The following RBM20 variants were observed in gnomAD, a reference collection of about 807,000 sequenced individuals.
The protein encoded by RBM20 is RNA-binding protein 20.
In RBM20, 51 loss-of-function variants were observed where a neutral mutation model predicts 110.1. The observed-to-expected ratio is 0.46, with a 90% confidence interval of 0.37 to 0.59. The LOEUF (loss-of-function observed/expected upper bound fraction) is 0.59, where lower values mean the gene tolerates loss of function less well. RBM20 is among the 20% of genes least tolerant of loss of function. RBM20 has a pLI of 0.00. For synonymous variants in RBM20, 589 were observed against 618.2 expected, an observed-to-expected ratio of 0.95 and a Z score of 0.70; for missense variants, 1,512 against 1,574.9, an observed-to-expected ratio of 0.96 and a Z score of 0.68.
chr10:110,729,344 T>C (rs1843596000), intron 1 of RBM20, among the ~76,000 whole-genome samples: 1 of 152,238 alleles, frequency 6.6e-6, no homozygotes. Flanking sequence ...GTGCCTGGGC[T>C]TCTCTTTTCT....
chr10:110,822,242 G>C (rs1170808643), intron 11 of RBM20, among the ~76,000 whole-genome samples: 1 of 152,188 alleles, frequency 6.6e-6, no homozygotes, highest in African/African-American at 2.4e-5. Context: ...AATTAGACTG[G>C]GTTATCAGCA....
chr10:110,656,399 C>A (rs1303584979), intron 1 of RBM20, among the ~76,000 whole-genome samples: 3 of 152,108 alleles, frequency 2.0e-5, no homozygotes, highest in African/African-American at 7.2e-5. Flanking sequence ...ATTCAGGGAA[C>A]CACTGATCTG....
intron 1 of RBM20, among the ~76,000 whole-genome samples, chr10:110,721,257 C>G (rs1486418457): frequency 6.6e-6 from 1 of 152,172 alleles, no homozygotes; most frequent in African/African-American, 2.4e-5. Flanking sequence ...TTCTTGTTCC[C>G]TGCTGAGTCA....
At chr10:110,774,963 A>G (rs1184299157) in intron 1 of RBM20, among the ~76,000 whole-genome samples, 2 of 152,252 alleles carry the variant, frequency 1.3e-5, no homozygotes, top group South Asian at 2.1e-4. Flanking sequence ...CCAAAATACC[A>G]TAAATAAGGA....
intron 1 of RBM20, among the ~76,000 whole-genome samples, chr10:110,737,187 A>AC (rs1244964746): frequency 1.5e-5 from 2 of 134,942 alleles, no homozygotes; most frequent in East Asian, 2.0e-4. Flanking sequence ...CAAAAAAAAA[A>AC]AAAAAAAAAA....
intron 5 of RBM20, 145 bp from the exon 6 acceptor site, chr10:110,797,363 G>C (rs1325316830): frequency 1.4e-6 from 1 of 710,870 alleles, no homozygotes; most frequent in Non-Finnish European, 2.2e-6. Context: ...ATGTGTGTCT[G>C]TGAATGGATT....
intron 1 of RBM20, among the ~76,000 whole-genome samples, chr10:110,691,059 C>A (rs1279852281): frequency 4.6e-5 from 7 of 152,186 alleles, no homozygotes; most frequent in Admixed American, 1.3e-4. Context: ...GGCTGTGGAG[C>A]CCTCTTGAAT....
chr10:110,805,915 AG>A (rs1224147264), intron 7 of RBM20, among the ~76,000 whole-genome samples: 1 of 152,114 alleles, frequency 6.6e-6, no homozygotes, highest in African/African-American at 2.4e-5. Flanking sequence ...AAAATAATAT[AG>A]GGGGTGGGGA....
In RBM20 at chr10:110,737,177, C is replaced by CAAAAAAAAAAAAAAAAAAAAAAAAAAAAA. The variant is rs550138775; in HGVS notation, c.192-43604_192-43603insAAAAAAAAAAAAAAAAAAAAAAAAAAAAA. 1.6e-3 allele frequency among the ~76,000 whole-genome samples: 42 copies of CAAAAAAAAAAAAAAAAAAAAAAAAAAAAA among 26,602 alleles called. 4 individuals are homozygous for CAAAAAAAAAAAAAAAAAAAAAAAAAAAAA. The highest frequency in any genetic ancestry group is 2.4e-3 in the Non-Finnish European group (34 of 14,368). 17.5% of individuals were successfully genotyped at this position (26,602 alleles called of 152,430 possible). On this transcript the variant is annotated intron_variant, in intron 1 of 13. Transcript: ENST00000369519. ...GGGCAAGAAGAGTGAAACTCTGCCT[C>CAAAAAAAAAAAAAAAAAAAAAAAAAAAAA]AAAAAAAAAAAAAAAAAAAACACCC...
intron 1 of RBM20, among the ~76,000 whole-genome samples, chr10:110,696,281 T>A (rs551203870): frequency 1.2e-4 from 18 of 152,276 alleles, no homozygotes; most frequent in African/African-American, 4.3e-4. Flanking sequence ...CCAACCCTAC[T>A]CCCCCAGGAC....
chr10:110,834,966 G>T (rs1845104603), intron 13 of RBM20, among the ~76,000 whole-genome samples: 1 of 152,162 alleles, frequency 6.6e-6, no homozygotes, highest in South Asian at 2.1e-4. Context: ...AGCCCTCAAC[G>T]ATAGAATAGA....
Position 110,711,329 on chromosome 10 carries a change from C to CAAAAA in RBM20, c.191+66708_191+66712dup, listed in dbSNP as rs1157753270. On this transcript the variant is annotated intron_variant, in intron 1 of 13. Coordinates refer to ENST00000369519, the MANE Select transcript of RBM20 (RefSeq NM_001134363.3). ...TGGGAGACAGAGTGAGACTCCATCT[C>CAAAAA]AAAAAAAAAAAAAAAAAAAAAAAAA... 6.3e-4 allele frequency among the ~76,000 whole-genome samples: 18 copies of CAAAAA among 28,400 alleles called. 2 individuals carry two copies. The highest frequency in any genetic ancestry group is 2.7e-3 in the African/African-American group (17 of 6,200). 18.6% of individuals were successfully genotyped at this position (28,400 alleles called of 152,430 possible).
intron 7 of RBM20, among the ~76,000 whole-genome samples, chr10:110,802,462 A>C (rs187094153): frequency 6.6e-6 from 1 of 151,524 alleles, no homozygotes; most frequent in Non-Finnish European, 1.5e-5. Flanking sequence ...TCTATATCCA[A>C]CCAAAGTTCC....
chr10:110,711,329 C>CAAAAAA lies in RBM20; in HGVS notation c.191+66707_191+66712dup, dbSNP rs1157753270. 3.9e-4 allele frequency among the ~76,000 whole-genome samples: 11 copies of CAAAAAA among 28,404 alleles called. 2 individuals carry two copies. Among genetic ancestry groups the CAAAAAA allele is most frequent in the African/African-American group, 1.3e-3 (8 of 6,202 alleles). The allele number at this position is 28,404 out of a possible 152,430, so 18.6% of individuals were successfully genotyped here. On this transcript the variant is annotated intron_variant, in intron 1 of 13. Transcript: ENST00000369519. ...TGGGAGACAGAGTGAGACTCCATCT[C>CAAAAAA]AAAAAAAAAAAAAAAAAAAAAAAAA...
At chr10:110,723,257 A>G (rs1394797099) in intron 1 of RBM20, among the ~76,000 whole-genome samples, 1 of 152,204 alleles carries the variant, frequency 6.6e-6, no homozygotes, top group East Asian at 1.9e-4. Context: ...ATATATTCAC[A>G]GAGCTGTAAT....
intron 1 of RBM20, among the ~76,000 whole-genome samples, chr10:110,689,076 G>A (rs1406280432): frequency 1.3e-5 from 2 of 152,058 alleles, no homozygotes; most frequent in African/African-American, 4.8e-5. Flanking sequence ...TTCACCTGCT[G>A]TTGTATGAAA....
At chr10:110,727,573 G>C (rs1843577178) in intron 1 of RBM20, among the ~76,000 whole-genome samples, 1 of 152,060 alleles carries the variant, frequency 6.6e-6, no homozygotes, top group Non-Finnish European at 1.5e-5. Context: ...ATATAAAGAA[G>C]ACCAAATCAC....
chr10:110,649,225 C>T (rs1351180452), intron 1 of RBM20, among the ~76,000 whole-genome samples: 5 of 151,598 alleles, frequency 3.3e-5, no homozygotes, highest in Non-Finnish European at 5.9e-5. Context: ...TCTTTCTTTC[C>T]TTCTGATTTA....
chr10:110,802,174 C>G (rs1263407316), intron 7 of RBM20, among the ~76,000 whole-genome samples: 1 of 152,162 alleles, frequency 6.6e-6, no homozygotes, highest in African/African-American at 2.4e-5. Flanking sequence ...TCCATTTTGT[C>G]TAAGACCCAC....
Sources: gnomAD v4.1 joint callset for allele counts (sites outside exome capture counted in the v4.1 genomes callset) on GRCh38, gnomAD v4.1.1 for gene constraint, MANE v1.5 for transcripts, NCBI Gene and HGNC (gene_info 2026-07-23, HGNC 2026-07-21) for gene names.